DRC7: variants seen among roughly 807,000 people sequenced by gnomAD.
DRC7 encodes coiled-coil domain containing 135.
In DRC7, 80 loss-of-function variants were observed where a neutral mutation model predicts 104.4. The ratio of observed to expected loss-of-function variants is 0.77; its 90% CI spans 0.64 to 0.92. DRC7 has a LOEUF of 0.92. DRC7 is among the 40% of genes least tolerant of loss of function. DRC7 has a pLI of 0.00. For synonymous variants in DRC7, 405 were observed against 447.3 expected, an observed-to-expected ratio of 0.91 and a Z score of 1.19; for missense variants, 1,034 against 1,141.1, an observed-to-expected ratio of 0.91 and a Z score of 1.35.
intron 17 of DRC7, 52 bp downstream of exon 17, chr16:57,728,636 G>C (rs1233206770): frequency 1.4e-6 from 2 of 1,453,342 alleles, no homozygotes; most frequent in Non-Finnish European, 9.2e-7. Context: ...TCTGCATCCA[G>C]GAAATGGGCC....
At chr16:57,707,711 C>G in intron 8 of DRC7, 33 bp downstream of exon 8, 1 of 1,583,620 alleles carries the variant, frequency 6.3e-7, no homozygotes, top group Non-Finnish European at 8.6e-7. Context: ...GTGGGTGTGG[C>G]AGGCACAGTG....
chr16:57,726,951 C>A lies in DRC7; in HGVS notation c.2085+9C>A. 6.4e-7 allele frequency: 1 copy of A among 1,563,234 alleles called. No homozygotes were observed. Among genetic ancestry groups the A allele is most frequent in the East Asian group, 2.2e-5 (1 of 44,538 alleles). ...GGGAGTCAGAGCTGGAGGTAGGGTC[C>A]TGTGGGAGAGTGAGCAGGTGGGCGG... On this transcript the variant is annotated intron_variant, in intron 15 of 18. Transcript: ENST00000360716.
chr16:57,720,215 C>A (rs573675487), intron 9 of DRC7, among the ~76,000 whole-genome samples: 11 of 152,294 alleles, frequency 7.2e-5, no homozygotes, highest in African/African-American at 2.6e-4. Flanking sequence ...AGTCACTTAC[C>A]CAAAGCGATA....
At chr16:57,726,754 G>A (rs753157272) in intron 14 of DRC7, 78 bp from the exon 15 acceptor site, 1 of 811,184 alleles carries the variant, frequency 1.2e-6, no homozygotes. Flanking sequence ...AAAGTGGCAG[G>A]GGTAGATTTG....
intron 17 of DRC7, among the ~76,000 whole-genome samples, 187 bp from the exon 18 acceptor site, chr16:57,730,744 C>T (rs962495775): frequency 2.0e-5 from 3 of 152,272 alleles, no homozygotes; most frequent in Non-Finnish European, 4.4e-5. Flanking sequence ...CATGACCCCA[C>T]TGGCTCCCAC....
At chr16:57,698,408 C>T (rs1052273324) in intron 3 of DRC7, among the ~76,000 whole-genome samples, 2 of 152,300 alleles carry the variant, frequency 1.3e-5, no homozygotes, top group Middle Eastern at 3.4e-3. Flanking sequence ...AGGTGCTGGC[C>T]AGGCGCTGTG....
intron 6 of DRC7, among the ~76,000 whole-genome samples, chr16:57,703,985 A>C (rs1401453346): frequency 6.6e-6 from 1 of 151,248 alleles, no homozygotes; most frequent in Non-Finnish European, 1.5e-5. Flanking sequence ...AAAAAAAAAA[A>C]AAAAAGCCTC....
At chr16:57,724,345 C>T (rs1219959174) in intron 12 of DRC7, among the ~76,000 whole-genome samples, 1 of 150,740 alleles carries the variant, frequency 6.6e-6, no homozygotes, top group Non-Finnish European at 1.5e-5. Context: ...ACTTTTGGGC[C>T]CAGCAATTCC....
chr16:57,700,334 C>G (rs566621043), intron 5 of DRC7, 64 bp downstream of exon 5: 48 of 1,551,166 alleles, frequency 3.1e-5, no homozygotes, highest in Non-Finnish European at 3.9e-5. Context: ...GAGAAACAAA[C>G]TCACCCATCC....
In DRC7 at chr16:57,731,478, C is replaced by A. The variant is rs1402032563; in HGVS notation, c.*220C>A. 3.5e-6 allele frequency: 2 copies of A among 576,508 alleles called. No homozygotes were observed. The highest frequency in any genetic ancestry group is 1.9e-5 in the African/African-American group (1 of 53,368). The allele number at this position is 576,508 out of a possible 1,614,324, so 35.7% of individuals were successfully genotyped here. A position where few individuals can be genotyped will look rare whatever the true frequency, so the allele number is the denominator to read the frequency against. ...CCATTTGTGCCTTGCGCTTCACAAG[C>A]TCCAGCAGCAGCCTTTCTCTTCTTC... is the stretch of plus-strand genomic sequence containing the variant. On this transcript the variant is annotated 3_prime_UTR_variant, in exon 19 of 19. Transcript: ENST00000360716.
chr16:57,726,556 C>T, intron 14 of DRC7: 1 of 558,208 alleles, frequency 1.8e-6, no homozygotes, highest in African/African-American at 1.9e-5. Context: ...CCTAGGGAGG[C>T]TCTGTGGGAG....
At chr16:57,720,079 T>C (rs1483878398) in intron 9 of DRC7, among the ~76,000 whole-genome samples, 1 of 152,222 alleles carries the variant, frequency 6.6e-6, no homozygotes, top group Non-Finnish European at 1.5e-5. Context: ...ATCCATTGTA[T>C]CTACTTAACC....
intron 10 of DRC7, among the ~76,000 whole-genome samples, chr16:57,722,282 C>G (rs1242484906): frequency 6.6e-6 from 1 of 152,154 alleles, no homozygotes; most frequent in African/African-American, 2.4e-5. Context: ...CAGCCCAGCA[C>G]TGGGGCTAGG....
chr16:57,703,555 C>T (rs933001057), intron 6 of DRC7, among the ~76,000 whole-genome samples: 2 of 152,142 alleles, frequency 1.3e-5, no homozygotes, highest in African/African-American at 2.4e-5. Flanking sequence ...AGGGTGGGTG[C>T]TCTGGTGGGA....
Position 57,726,137 on chromosome 16 carries a change from C to T in DRC7, c.1828C>T (p.Leu610=), listed in dbSNP as rs1220089715. ...AEEDVAERVF[L]VAEERIQLRY... ...GGAGGACGTGGCAGAGCGCGTGTTT[C>T]TGGTCGCGGAGGAGCGCATCCAGCT... The change falls in exon 14 of 19, where the codon CTG becomes TTG. Residue 610 remains leucine, a synonymous_variant. Coordinates refer to ENST00000360716, the MANE Select transcript of DRC7 (RefSeq NM_001289162.2). 6.2e-7 allele frequency: 1 copy of T among 1,613,226 alleles called. No homozygotes were observed. Among genetic ancestry groups the T allele is most frequent in the East Asian group, 2.2e-5 (1 of 44,892 alleles).
At position 57,727,321 on chromosome 16, in the gene DRC7, G is replaced by C; in HGVS notation, c.2108G>C (p.Arg703Pro). 1.2e-6 allele frequency: 2 copies of C among 1,613,230 alleles called. No individual in the cohort carries two copies. Among genetic ancestry groups the C allele is most frequent in the Non-Finnish European group, 1.7e-6 (2 of 1,179,852 alleles). Residue 703 changes from arginine (R) to proline (P), a missense_variant, in exon 16 of 19, where the codon CGA becomes CCA. By Grantham distance (103) the Arg-to-Pro change is moderately radical (BLOSUM62 -2). Transcript: ENST00000360716. ...ELEVLEILKL[R>P]EEEEAAHTLT... ...CAGGTGCTGGAGATTCTGAAGCTTCGAGAGGAAGAGGAGGCGGCGCACACA... is the reference window on the plus strand; with the variant it reads ...CAGGTGCTGGAGATTCTGAAGCTTCCAGAGGAAGAGGAGGCGGCGCACACA...
intron 16 of DRC7, among the ~76,000 whole-genome samples, chr16:57,727,643 T>C (rs1326533565): frequency 6.6e-6 from 1 of 152,232 alleles, no homozygotes; most frequent in African/African-American, 2.4e-5. Flanking sequence ...AGCCAAGGCC[T>C]GTGGTTGGGA....
chr16:57,701,090 A>G (rs114388395), intron 5 of DRC7, among the ~76,000 whole-genome samples: 1,675 of 152,274 alleles, frequency 0.011, 20 homozygotes, highest in African/African-American at 0.038. Flanking sequence ...GAGTGAGGGC[A>G]ACTAAGGCGG....
chr16:57,695,041 G>A (rs560242357), intron 1 of DRC7, among the ~76,000 whole-genome samples, 189 bp downstream of exon 1: 1 of 152,142 alleles, frequency 6.6e-6, no homozygotes, highest in African/African-American at 2.4e-5. Context: ...TGCAGGGAAG[G>A]GCCGGTGGGT....
Sources: allele counts gnomAD v4.1 joint callset (sites outside exome capture counted in the v4.1 genomes callset), GRCh38; gene constraint gnomAD v4.1.1; transcripts MANE v1.5; gene names NCBI Gene and HGNC (gene_info 2026-07-23, HGNC 2026-07-21).